Variants in ENPP6 observed in about 807,000 individuals in gnomAD.
ENPP6 encodes glycerophosphocholine cholinephosphodiesterase ENPP6.
In ENPP6, 32 loss-of-function variants were observed where a neutral mutation model predicts 42.0. That is an observed-to-expected ratio of 0.76 (90% CI 0.58 to 1.02). ENPP6 has a LOEUF of 1.02. Among genes scored for constraint, ENPP6 ranks in the 50% least tolerant of loss-of-function variants. The probability of loss-of-function intolerance (pLI) is 0.00; values close to 1 mark genes in which losing one functional copy is unlikely to be tolerated. For synonymous variants in ENPP6, 213 were observed against 216.0 expected (o/e 0.99, Z 0.12); for missense variants, 552 against 566.8 (o/e 0.97, Z 0.27).
At chr4:184,156,271 G>A (rs943346810) in intron 1 of ENPP6, among the ~76,000 whole-genome samples, 3 of 152,158 alleles carry the variant, frequency 2.0e-5, no homozygotes, top group East Asian at 1.9e-4. Flanking sequence ...ATCTTGTCCC[G>A]CCTTCCCATG....
chr4:184,128,334 C>T (rs1335738611), intron 2 of ENPP6, among the ~76,000 whole-genome samples: 1 of 152,126 alleles, frequency 6.6e-6, no homozygotes, highest in East Asian at 1.9e-4. Context: ...GCATATGCCA[C>T]CATGCCTGGC....
In ENPP6 at chr4:184,176,727, T is replaced by C. The variant is rs1209575862; in HGVS notation, c.242-22994A>G. On this transcript the variant is annotated intron_variant, in intron 1 of 7. Coordinates refer to ENST00000296741, the MANE Select transcript of ENPP6 (RefSeq NM_153343.4). Reference sequence around the variant, plus strand: ...TATGAAAGTGACATAACAAGAATTTTAATCATGAGAAATTAGCACAGGACC... The same window carrying C: ...TATGAAAGTGACATAACAAGAATTTCAATCATGAGAAATTAGCACAGGACC... Among the ~76,000 whole-genome samples the C allele has an allele frequency of 8.3e-5, 4 of 48,378 alleles. No homozygotes were observed. In the South Asian group the frequency reaches 7.8e-3, roughly 94 times the overall value. The allele number at this position is 48,378 out of a possible 152,430, so 31.7% of individuals were successfully genotyped here.
intron 2 of ENPP6, among the ~76,000 whole-genome samples, chr4:184,146,943 A>C (rs1736937046): frequency 1.3e-5 from 2 of 151,228 alleles, no homozygotes; most frequent in African/African-American, 2.4e-5. Context: ...CCAGTTCTGC[A>C]CTCTCCCTGG....
At chr4:184,170,804 G>A (rs1737448958) in intron 1 of ENPP6, among the ~76,000 whole-genome samples, 1 of 152,162 alleles carries the variant, frequency 6.6e-6, no homozygotes. Context: ...GTGGATTGGT[G>A]GGTTTAGATG....
At chr4:184,137,446 A>G (rs1171533250) in intron 2 of ENPP6, among the ~76,000 whole-genome samples, 1 of 152,104 alleles carries the variant, frequency 6.6e-6, no homozygotes, top group Non-Finnish European at 1.5e-5. Context: ...TTGGTTTTTC[A>G]GTCAGGCCTT....
At position 184,134,131 on chromosome 4, in the gene ENPP6, GATTTATTT is replaced by G. The variant is rs60164895; in HGVS notation, c.422-9867_422-9860del. On this transcript the variant is annotated intron_variant, in intron 2 of 7. Transcript: ENST00000296741. ...ATTACACTAACCTCATTATGGAAGT[GATTTATTT>G]ATTTATTTATTTATTTATTTTTAGA... is the stretch of plus-strand genomic sequence containing the variant. Among the ~76,000 whole-genome samples, 13 of 147,294 alleles carry G rather than the reference GATTTATTT, an allele frequency of 8.8e-5. No homozygotes were observed. In the East Asian group the frequency reaches 2.6e-3, roughly 29 times the overall value.
intron 1 of ENPP6, among the ~76,000 whole-genome samples, chr4:184,194,039 T>C (rs539150856): frequency 6.6e-6 from 1 of 152,334 alleles, no homozygotes; most frequent in East Asian, 1.9e-4. Context: ...GCCTCTTCCT[T>C]GTCTCCTTTG....
At chr4:184,170,040 A>G (rs1737436139) in intron 1 of ENPP6, among the ~76,000 whole-genome samples, 1 of 152,240 alleles carries the variant, frequency 6.6e-6, no homozygotes, top group African/African-American at 2.4e-5. Flanking sequence ...CACACCCAAC[A>G]AAATGAATAT....
intron 1 of ENPP6, among the ~76,000 whole-genome samples, chr4:184,161,261 T>A (rs1171167826): frequency 1.3e-5 from 2 of 152,088 alleles, no homozygotes; most frequent in Non-Finnish European, 2.9e-5. Flanking sequence ...AAAGAAGATA[T>A]ACAAATGACC....
intron 2 of ENPP6, among the ~76,000 whole-genome samples, chr4:184,145,263 C>T (rs1323733429): frequency 6.6e-6 from 1 of 152,194 alleles, no homozygotes; most frequent in Non-Finnish European, 1.5e-5. Context: ...CTCTTCCGCC[C>T]TTCCTCCTTC....
intron 6 of ENPP6, among the ~76,000 whole-genome samples, chr4:184,105,528 G>C (rs942525133): frequency 6.6e-6 from 1 of 152,166 alleles, no homozygotes; most frequent in East Asian, 1.9e-4. Flanking sequence ...TAGTTGCTCA[G>C]AGATTTGTAA....
At chr4:184,191,394 A>G (rs1263338848) in intron 1 of ENPP6, among the ~76,000 whole-genome samples, 2 of 152,242 alleles carry the variant, frequency 1.3e-5, no homozygotes, top group Non-Finnish European at 1.5e-5. Flanking sequence ...CATTTGGGAA[A>G]TGTACGTTCT....
intron 1 of ENPP6, among the ~76,000 whole-genome samples, chr4:184,155,433 T>C (rs891010049): frequency 6.6e-6 from 1 of 152,206 alleles, no homozygotes; most frequent in African/African-American, 2.4e-5. Context: ...AGAGATGTTC[T>C]CTGATGCCCT....
At chr4:184,213,800 T>C (rs1733155355) in intron 1 of ENPP6, among the ~76,000 whole-genome samples, 1 of 147,208 alleles carries the variant, frequency 6.8e-6, no homozygotes, top group African/African-American at 2.5e-5. Context: ...CGTATGTTTA[T>C]TGCGGCATTA....
intron 1 of ENPP6, among the ~76,000 whole-genome samples, chr4:184,215,971 C>T (rs1439307719): frequency 6.6e-6 from 1 of 152,200 alleles, no homozygotes; most frequent in Non-Finnish European, 1.5e-5. Context: ...ATGTCATTGG[C>T]TTAGTGTCTC....
chr4:184,113,958 T>TCTTTCTTC (rs1553995068), intron 5 of ENPP6, among the ~76,000 whole-genome samples: 43 of 147,610 alleles, frequency 2.9e-4, no homozygotes, highest in African/African-American at 1.0e-3. Flanking sequence ...TTTCTTTCTT[T>TCTTTCTTC]CTTTCTCTCT....
Position 184,131,140 on chromosome 4 carries a change from ACTTTCTTTCTTTCTTT to A in ENPP6, c.422-6884_422-6869del, listed in dbSNP as rs1171459794. The stretch of plus-strand genomic sequence containing the variant: ...TTTCAACTTGCTTCCACCAGCACTT[ACTTTCTTTCTTTCTTT>A]CTTTCTTTCTTTCTTTCTTTCTTTC... On this transcript the variant is annotated intron_variant, in intron 2 of 7. Transcript: ENST00000296741. Among the ~76,000 whole-genome samples the A allele has an allele frequency of 2.6e-4, 32 of 121,628 alleles. 1 individual carries two copies. The highest frequency in any genetic ancestry group is 5.7e-4 in the Admixed American group (7 of 12,200). The allele number at this position is 121,628 out of a possible 152,430, so 79.8% of individuals were successfully genotyped here.
Position 184,217,787 on chromosome 4 carries a change from G to A in ENPP6, c.33C>T (p.Ala11=), listed in dbSNP as rs752737451. 6.2e-7 allele frequency: 1 copy of A among 1,613,814 alleles called. No individual in the cohort carries two copies. The highest frequency in any genetic ancestry group is 1.1e-5 in the South Asian group (1 of 91,066). Residue 11 remains alanine (A), a synonymous_variant, in exon 1 of 8, where the codon GCC becomes GCT. Transcript: ENST00000296741. Reference sequence around the variant, plus strand: ...CTGGCTGGGCCAGGCCCAGGGCAAGGGCCAGCAGGAGGGTCCCAAGCTTCA... The same window carrying A: ...CTGGCTGGGCCAGGCCCAGGGCAAGAGCCAGCAGGAGGGTCCCAAGCTTCA... The part of the protein sequence containing the change: MAVKLGTLLL[A]LALGLAQPAS...
intron 6 of ENPP6, among the ~76,000 whole-genome samples, chr4:184,107,347 C>A (rs867451391): frequency 6.6e-6 from 1 of 152,198 alleles, no homozygotes; most frequent in South Asian, 2.1e-4. Context: ...TCTGTTTTAT[C>A]CTATGGGAAT....
Sources: gnomAD v4.1 joint callset for allele counts (sites outside exome capture counted in the v4.1 genomes callset) on GRCh38, gnomAD v4.1.1 for gene constraint, MANE v1.5 for transcripts, NCBI Gene and HGNC (gene_info 2026-07-23, HGNC 2026-07-21) for gene names.